The following AMOTL1 variants were observed in gnomAD, a reference collection of about 807,000 sequenced individuals.
AMOTL1 encodes angiomotin-like protein 1.
In AMOTL1, 45 loss-of-function variants were observed where a neutral mutation model predicts 102.9. The ratio of observed to expected loss-of-function variants is 0.44; its 90% CI spans 0.34 to 0.56. The LOEUF is 0.56. Among genes scored for constraint, AMOTL1 ranks in the 20% least tolerant of loss-of-function variants. AMOTL1 has a pLI of 0.01. For synonymous variants in AMOTL1, 481 were observed against 484.7 expected (o/e 0.99, Z 0.10); for missense variants, 1,114 against 1,225.6 (o/e 0.91, Z 1.36).
At chr11:94,737,604 C>A (rs1280279542) in intron 2 of AMOTL1, among the ~76,000 whole-genome samples, 3 of 152,210 alleles carry the variant, frequency 2.0e-5, no homozygotes, top group Non-Finnish European at 2.9e-5. Flanking sequence ...GGTATTAGAA[C>A]CCAGGTCTGG....
chr11:94,852,050 A>T (rs1952550648), intron 7 of AMOTL1, among the ~76,000 whole-genome samples: 1 of 152,236 alleles, frequency 6.6e-6, no homozygotes. Flanking sequence ...ATATTCTAGT[A>T]GCTGCACATT....
intron 3 of AMOTL1, chr11:94,741,068 A>T (rs1950517853): frequency 6.1e-6 from 7 of 1,152,908 alleles, no homozygotes; most frequent in Non-Finnish European, 8.1e-6. Context: ...GTCCATAGGA[A>T]CTCAGCTAGG....
In AMOTL1 at chr11:94,847,930, T is replaced by G. The variant is rs1350252798; in HGVS notation, c.1649-2184T>G. ...TTTTATTACTTCTGGTCAACATTAG[T>G]GTATACTTGGTGGCCCTCAACAAAG... On this transcript the variant is annotated intron_variant, in intron 6 of 12. Transcript: ENST00000433060. Among the ~76,000 whole-genome samples, 4 of 152,156 alleles carry G rather than the reference T, an allele frequency of 2.6e-5. 1 individual carries two copies. The highest frequency in any genetic ancestry group is 2.0e-4 in the Admixed American group (3 of 15,278).
At chr11:94,867,967 G>C (rs1952915724) in intron 11 of AMOTL1, among the ~76,000 whole-genome samples, 1 of 152,210 alleles carries the variant, frequency 6.6e-6, no homozygotes, top group African/African-American at 2.4e-5. Context: ...GATAAGGCCT[G>C]TCTCGCAGGA....
At chr11:94,847,270 C>T (rs995091303) in intron 6 of AMOTL1, among the ~76,000 whole-genome samples, 1 of 152,164 alleles carries the variant, frequency 6.6e-6, no homozygotes, top group Non-Finnish European at 1.5e-5. Context: ...TGTGTCGCGG[C>T]TTGTAAGCGA....
chr11:94,859,493 T>C (rs1371336072), intron 8 of AMOTL1, 32 bp from the exon 9 acceptor site: 2 of 1,584,462 alleles, frequency 1.3e-6, no homozygotes, highest in Admixed American at 3.5e-5. Context: ...GATGTGGTTT[T>C]GAGCATCAAG....
intron 3 of AMOTL1, among the ~76,000 whole-genome samples, chr11:94,819,378 C>T (rs1951822870): frequency 6.6e-6 from 1 of 152,204 alleles, no homozygotes; most frequent in Non-Finnish European, 1.5e-5. Context: ...ATAGGACAGA[C>T]ACAACACAAA....
chr11:94,753,307 T>C (rs2015017), intron 3 of AMOTL1, among the ~76,000 whole-genome samples: 7 of 98,390 alleles, frequency 7.1e-5, no homozygotes, highest in Non-Finnish European at 1.2e-4. Context: ...GCTTTCCTGC[T>C]TTTTTTTTTT....
intron 6 of AMOTL1, among the ~76,000 whole-genome samples, chr11:94,844,581 A>T (rs1461168833): frequency 6.6e-6 from 1 of 152,254 alleles, no homozygotes; most frequent in Non-Finnish European, 1.5e-5. Flanking sequence ...CTGTTATTGC[A>T]TGGCCAAAGG....
intron 1 of AMOTL1, among the ~76,000 whole-genome samples, chr11:94,718,744 G>A (rs917544763): frequency 6.6e-6 from 1 of 151,450 alleles, no homozygotes; most frequent in African/African-American, 2.4e-5. Context: ...CTGGCTTTCT[G>A]TTGATTGTCA....
At chr11:94,784,645 A>C (rs1204879086) in intron 1 of AMOTL1, among the ~76,000 whole-genome samples, 8 of 152,346 alleles carry the variant, frequency 5.3e-5, no homozygotes, top group Admixed American at 3.9e-4. Flanking sequence ...GGATTTATTA[A>C]ATCCAACACA....
rs1021685670 is a variant in AMOTL1, at chr11:94,876,717, C to T, written c.*5922C>T. ...CTTTCTTCCTTAAAGAACTTATAAACTGATGCTCAATAAATGTTTCATTTC... is the reference window on the plus strand; with the variant it reads ...CTTTCTTCCTTAAAGAACTTATAAATTGATGCTCAATAAATGTTTCATTTC... On this transcript the variant is annotated 3_prime_UTR_variant, in exon 13 of 13. Coordinates refer to ENST00000433060, the MANE Select transcript of AMOTL1 (RefSeq NM_130847.3). 6.6e-6 allele frequency: 1 copy of T among 152,650 alleles called. No individual in the cohort carries two copies. The highest frequency in any genetic ancestry group is 2.4e-5 in the African/African-American group (1 of 41,444). 9.5% of individuals were successfully genotyped at this position (152,650 alleles called of 1,614,324 possible).
intron 1 of AMOTL1, among the ~76,000 whole-genome samples, chr11:94,769,213 A>G (rs1950906789): frequency 1.3e-5 from 2 of 152,288 alleles, no homozygotes; most frequent in Middle Eastern, 3.4e-3. Flanking sequence ...CTTTACAATA[A>G]TCTGCTTTCG....
intron 2 of AMOTL1, among the ~76,000 whole-genome samples, chr11:94,732,563 G>C (rs1950371032): frequency 6.6e-6 from 1 of 152,154 alleles, no homozygotes; most frequent in Admixed American, 6.5e-5. Context: ...GAAACAAAAG[G>C]GAGACAGTGT....
chr11:94,819,607 G>C (rs957940725), intron 3 of AMOTL1, among the ~76,000 whole-genome samples: 1 of 152,138 alleles, frequency 6.6e-6, no homozygotes, highest in South Asian at 2.1e-4. Flanking sequence ...ACTTGGAGTT[G>C]TCCAGCCTTT....
intron 1 of AMOTL1, among the ~76,000 whole-genome samples, chr11:94,792,795 G>A (rs983231594): frequency 7.2e-5 from 11 of 152,164 alleles, no homozygotes; most frequent in Non-Finnish European, 1.3e-4. Flanking sequence ...GTTCTTTCAT[G>A]ACACTGAGGA....
In AMOTL1 at chr11:94,821,683, C is replaced by A. The variant is rs1203275645; in HGVS notation, c.1275C>A (p.Ser425=). The change falls in exon 4 of 13, where the codon TCC becomes TCA. Residue 425 remains serine (S), a synonymous_variant. Coordinates refer to ENST00000433060, the MANE Select transcript of AMOTL1 (RefSeq NM_130847.3). ...LGAPQPPPAA[S]PSQQLGPDAF... ...CTCCACAGCCCCCGCCTGCCGCCTC[C>A]CCCAGCCAGCAGCTTGGTCCAGATG... is the stretch of plus-strand genomic sequence containing the variant. 2 of 1,614,024 alleles carry A rather than the reference C, an allele frequency of 1.2e-6. No homozygotes were observed. Among genetic ancestry groups the A allele is most frequent in the South Asian group, 2.2e-5 (2 of 91,082 alleles).
At chr11:94,736,571 T>C (rs1000283748) in intron 2 of AMOTL1, among the ~76,000 whole-genome samples, 5 of 152,204 alleles carry the variant, frequency 3.3e-5, no homozygotes, top group Admixed American at 6.5e-5. Context: ...ATATTTATTA[T>C]GTACCTATGT....
At chr11:94,825,762 G>C (rs758377743) in intron 4 of AMOTL1, among the ~76,000 whole-genome samples, 1 of 152,038 alleles carries the variant, frequency 6.6e-6, no homozygotes, top group Non-Finnish European at 1.5e-5. Flanking sequence ...GAAAGAAGAA[G>C]GTGTGGTTTT....
Sources: allele counts gnomAD v4.1 joint callset (sites outside exome capture counted in the v4.1 genomes callset), GRCh38; gene constraint gnomAD v4.1.1; transcripts MANE v1.5; gene names NCBI Gene and HGNC (gene_info 2026-07-23, HGNC 2026-07-21).